The following INSC variants were observed in gnomAD, a reference collection of about 807,000 sequenced individuals.
INSC encodes the protein INSC spindle orientation adaptor protein.
A neutral mutation model predicts 58.6 loss-of-function variants in INSC; 67 were observed. That is an observed-to-expected ratio of 1.14 (90% CI 0.94 to 1.40). The LOEUF (loss-of-function observed/expected upper bound fraction) is 1.40. Ranked by LOEUF, INSC falls within the 40% of genes most tolerant of loss-of-function variation. The probability of loss-of-function intolerance (pLI) is 0.00; values close to 1 mark genes in which losing one functional copy is unlikely to be tolerated. For missense variants in INSC, 714 were observed against 692.0 expected (o/e 1.03, Z -0.36); for synonymous variants, 262 against 276.1 (o/e 0.95, Z 0.51).
chr11:15,267,100 A>G, the INSC span, among the ~76,000 whole-genome samples: 6 of 151,920 alleles, frequency 3.9e-5, no homozygotes, highest in African/African-American at 1.4e-4. Context: ...CTGAAAAACT[A>G]TTTCTTGCAG....
chr11:15,182,262 G>A lies in INSC; in HGVS notation c.579+3815G>A, dbSNP rs191549745. On this transcript the variant is annotated intron_variant, in intron 5 of 12. Coordinates refer to ENST00000379556, the MANE Select transcript of INSC (RefSeq NM_001042536.3). ...CTGTTGTCCCAGGATGTCATCCTTA[G>A]GGTTGCCAAAGGCCTTAACAGATAC... is the stretch of plus-strand genomic sequence containing the variant. 3.7e-4 allele frequency among the ~76,000 whole-genome samples: 56 copies of A among 152,166 alleles called. No individual in the cohort carries two copies. The East Asian group carries it at 7.7e-3, about 21-fold the overall frequency.
intron 7 of INSC, among the ~76,000 whole-genome samples, chr11:15,218,201 G>T (rs1851295454): frequency 1.3e-5 from 2 of 152,090 alleles, no homozygotes; most frequent in Non-Finnish European, 2.9e-5. Flanking sequence ...ATACAACAGT[G>T]AAAATAAATG....
rs2133991134 is a variant in INSC, at chr11:15,246,342, C to T, written c.*302C>T. 2 of 208,598 alleles carry T rather than the reference C, an allele frequency of 9.6e-6. No homozygotes were observed. Among genetic ancestry groups the T allele is most frequent in the Admixed American group, 1.1e-4 (2 of 18,346 alleles). 12.9% of individuals were successfully genotyped at this position (208,598 alleles called of 1,614,324 possible). On this transcript the variant is annotated 3_prime_UTR_variant, in exon 13 of 13. Transcript: ENST00000379556. ...ATTCCACTTCATCTTATTTTTTCTA[C>T]TCTCACTATACAATCTTGCCTCATT...
intron 7 of INSC, among the ~76,000 whole-genome samples, chr11:15,203,519 A>G (rs1850679130): frequency 6.6e-6 from 1 of 152,206 alleles, no homozygotes; most frequent in Non-Finnish European, 1.5e-5. Context: ...TTCTAATTTC[A>G]TTTGATGCTT....
intron 1 of INSC, among the ~76,000 whole-genome samples, chr11:15,146,525 A>G (rs538448515): frequency 2.6e-5 from 4 of 152,218 alleles, no homozygotes; most frequent in Non-Finnish European, 5.9e-5. Flanking sequence ...CTCCCCCTGC[A>G]TAACTGCTGG....
chr11:15,266,920 A>G, the INSC span, among the ~76,000 whole-genome samples: 42 of 152,124 alleles, frequency 2.8e-4, no homozygotes, highest in Admixed American at 1.3e-3. Flanking sequence ...ATGCTACATC[A>G]GTCTCTATTA....
intron 1 of INSC, among the ~76,000 whole-genome samples, chr11:15,121,435 T>C (rs1238373179): frequency 2.6e-5 from 4 of 152,240 alleles, no homozygotes; most frequent in Admixed American, 1.3e-4. Flanking sequence ...GGGGCAGGAA[T>C]ACAACTGCAG....
At chr11:15,232,327 C>T (rs1851956616) in intron 9 of INSC, among the ~76,000 whole-genome samples, 1 of 152,186 alleles carries the variant, frequency 6.6e-6, no homozygotes, top group Admixed American at 6.5e-5. Context: ...CTTTCAGGTT[C>T]TCCTGCCCAG....
chr11:15,134,179 T>C (rs2133710626), intron 1 of INSC, among the ~76,000 whole-genome samples: 1 of 152,334 alleles, frequency 6.6e-6, no homozygotes, highest in Admixed American at 6.5e-5. Flanking sequence ...GAAGGGTTCT[T>C]GGCACATAGT....
upstream of INSC, chr11:15,114,919 G>C (rs1210199981): frequency 1.0e-6 from 1 of 985,266 alleles, no homozygotes. Context: ...CCGGCAGAGC[G>C]GCCACTTTGC....
chr11:15,140,527 C>T (rs1356928095), intron 1 of INSC, among the ~76,000 whole-genome samples: 1 of 151,492 alleles, frequency 6.6e-6, no homozygotes, highest in Non-Finnish European at 1.5e-5. Context: ...TGTAGCTTGG[C>T]TTGCTGTGTG....
intron 8 of INSC, among the ~76,000 whole-genome samples, chr11:15,225,411 A>C (rs1398977209): frequency 6.6e-6 from 1 of 152,190 alleles, no homozygotes; most frequent in Non-Finnish European, 1.5e-5. Flanking sequence ...CATAGTGTTC[A>C]TTCAATAAAT....
At chr11:15,238,857 TG>T in intron 10 of INSC, 61 bp from the exon 11 acceptor site, 4 of 1,550,088 alleles carry the variant, frequency 2.6e-6, no homozygotes, top group Non-Finnish European at 3.5e-6. Flanking sequence ...TCTGTCCAGC[TG>T]GCCCCATGGG....
At chr11:15,112,696 C>G (rs1269178155), upstream of INSC, 3 of 590,128 alleles carry the variant, frequency 5.1e-6, no homozygotes, top group African/African-American at 3.8e-5. Context: ...TCTAACAAAC[C>G]AAGTCTGTTC....
chr11:15,187,994 G>A (rs1850034824), intron 5 of INSC, among the ~76,000 whole-genome samples: 1 of 152,186 alleles, frequency 6.6e-6, no homozygotes, highest in South Asian at 2.1e-4. Flanking sequence ...GGAAAGCCAT[G>A]TTGTAGGTCT....
chr11:15,238,794 T>G, intron 10 of INSC, 125 bp from the exon 11 acceptor site: 1 of 895,836 alleles, frequency 1.1e-6, no homozygotes, highest in Non-Finnish European at 1.7e-6. Flanking sequence ...TTCCTCCCTG[T>G]GGGTGAGACC....
At chr11:15,189,224 C>G (rs967797044) in intron 5 of INSC, among the ~76,000 whole-genome samples, 2 of 152,146 alleles carry the variant, frequency 1.3e-5, no homozygotes, top group Non-Finnish European at 2.9e-5. Flanking sequence ...CTTAACTGTA[C>G]AAGATCACAA....
chr11:15,150,548 G>A (rs1299542988), intron 2 of INSC, among the ~76,000 whole-genome samples: 1 of 152,212 alleles, frequency 6.6e-6, no homozygotes, highest in Non-Finnish European at 1.5e-5. Flanking sequence ...CCAGCAGCCT[G>A]GGTAAATCAT....
chr11:15,231,415 C>T (rs1209485993), intron 9 of INSC, among the ~76,000 whole-genome samples: 1 of 152,132 alleles, frequency 6.6e-6, no homozygotes. Flanking sequence ...AAATCACGCA[C>T]AAAAAAATCT....
Sources: gnomAD v4.1 joint callset for allele counts (sites outside exome capture counted in the v4.1 genomes callset) on GRCh38, gnomAD v4.1.1 for gene constraint, MANE v1.5 for transcripts, NCBI Gene and HGNC (gene_info 2026-07-23, HGNC 2026-07-21) for gene names.